MTUS1: variants seen among roughly 807,000 people sequenced by gnomAD.
MTUS1 encodes the protein microtubule-associated tumor suppressor 1.
In MTUS1, 109 loss-of-function variants were observed where a neutral mutation model predicts 120.8. The ratio of observed to expected loss-of-function variants is 0.90; its 90% CI spans 0.77 to 1.06. The LOEUF is 1.06. MTUS1 is among the 50% of genes least tolerant of loss of function. The probability of loss-of-function intolerance (pLI) is 0.00; values close to 1 mark genes in which losing one functional copy is unlikely to be tolerated. For synonymous variants in MTUS1, 737 were observed against 550.5 expected, an observed-to-expected ratio of 1.34 and a Z score of -4.74; for missense variants, 2,210 against 1,486.3, an observed-to-expected ratio of 1.49 and a Z score of -8.01.
At chr8:17,665,035 T>C (rs1011692525) in intron 8 of MTUS1, among the ~76,000 whole-genome samples, 2 of 152,188 alleles carry the variant, frequency 1.3e-5, no homozygotes, top group Admixed American at 1.3e-4. Flanking sequence ...CAGTATAGAT[T>C]GGTGATAGTA....
At chr8:17,792,933 GT>G (rs950334645) in intron 1 of MTUS1, among the ~76,000 whole-genome samples, 3 of 152,128 alleles carry the variant, frequency 2.0e-5, no homozygotes, top group Non-Finnish European at 4.4e-5. Context: ...ATTAAATCAA[GT>G]TCAATAACCA....
chr8:17,655,421 T>C (rs570705522), intron 9 of MTUS1, among the ~76,000 whole-genome samples: 1 of 152,330 alleles, frequency 6.6e-6, no homozygotes, highest in East Asian at 1.9e-4. Flanking sequence ...TTTTCTTCCC[T>C]TCTTTCACTT....
At chr8:17,762,706 G>A (rs1396911518) in intron 1 of MTUS1, among the ~76,000 whole-genome samples, 3 of 152,180 alleles carry the variant, frequency 2.0e-5, no homozygotes, top group Non-Finnish European at 2.9e-5. Context: ...TAGAAAACAA[G>A]TATAAATTTG....
At chr8:17,787,018 G>A (rs184049455) in intron 1 of MTUS1, among the ~76,000 whole-genome samples, 19 of 152,312 alleles carry the variant, frequency 1.2e-4, no homozygotes, top group Non-Finnish European at 1.2e-4. Context: ...TGTGGAGTGA[G>A]GCTGACCTCA....
intron 1 of MTUS1, among the ~76,000 whole-genome samples, chr8:17,756,340 G>C (rs1414614114): frequency 6.6e-6 from 1 of 152,076 alleles, no homozygotes; most frequent in Non-Finnish European, 1.5e-5. Flanking sequence ...GCTTATGACA[G>C]TCCCAAAGTA....
chr8:17,754,145 T>C lies in MTUS1; in HGVS notation c.1663A>G (p.Arg555Gly). 6.2e-7 allele frequency: 1 copy of C among 1,613,868 alleles called. No homozygotes were observed. The highest frequency in any genetic ancestry group is 8.5e-7 in the Non-Finnish European group (1 of 1,180,030). ...GCATTCAAGTCAGATCTCGGTGTTC[T>C]GCTCAAGACTGTTTGTTGTCTTGAA... ...VNSRQQTVLS[R>G]TPRSDLNADK... Residue 555 changes from arginine (R) to glycine (G), a missense_variant, in exon 2 of 15, where the codon AGA (arginine) becomes GGA (glycine). Arg to Gly is a moderately radical substitution (Grantham distance 125). Coordinates refer to ENST00000693296, the MANE Select transcript of MTUS1 (RefSeq NM_001363059.2).
At chr8:17,660,300 G>C (rs1169682246) in intron 8 of MTUS1, among the ~76,000 whole-genome samples, 1 of 152,156 alleles carries the variant, frequency 6.6e-6, no homozygotes, top group Non-Finnish European at 1.5e-5. Context: ...TTGAACCCAA[G>C]CAGTGCAGGT....
At chr8:17,709,715 T>C (rs1370413514) in intron 6 of MTUS1, among the ~76,000 whole-genome samples, 1 of 151,976 alleles carries the variant, frequency 6.6e-6, no homozygotes, top group Non-Finnish European at 1.5e-5. Context: ...TAAAAAAATA[T>C]ATACCTTAAT....
At chr8:17,794,171 T>A (rs2131596064) in intron 1 of MTUS1, among the ~76,000 whole-genome samples, 1 of 151,856 alleles carries the variant, frequency 6.6e-6, no homozygotes, top group East Asian at 1.9e-4. Flanking sequence ...CTACTAAAAA[T>A]AAAAAATGAA....
chr8:17,753,307 A>C (rs561823177), intron 2 of MTUS1, among the ~76,000 whole-genome samples: 1 of 152,324 alleles, frequency 6.6e-6, no homozygotes, highest in South Asian at 2.1e-4. Flanking sequence ...TTTTATGTTG[A>C]CATGTTTACC....
intron 1 of MTUS1, among the ~76,000 whole-genome samples, chr8:17,769,881 T>TAC (rs56287929): frequency 1.3e-4 from 13 of 99,536 alleles, no homozygotes; most frequent in African/African-American, 4.9e-4. Context: ...ACTCTTTGCT[T>TAC]ACACACACAC....
At chr8:17,775,402 G>C (rs1470733352) in intron 1 of MTUS1, among the ~76,000 whole-genome samples, 2 of 152,008 alleles carry the variant, frequency 1.3e-5, no homozygotes, top group Non-Finnish European at 2.9e-5. Context: ...TGAAACTTCA[G>C]GCTGCATCAT....
chr8:17,758,755 C>G (rs2048816862), intron 1 of MTUS1, among the ~76,000 whole-genome samples: 1 of 152,140 alleles, frequency 6.6e-6, no homozygotes, highest in Non-Finnish European at 1.5e-5. Context: ...TGGGAACTGT[C>G]TTTGTAAATA....
chr8:17,797,960 G>A (rs2052381095), intron 1 of MTUS1, among the ~76,000 whole-genome samples: 1 of 152,064 alleles, frequency 6.6e-6, no homozygotes, highest in Admixed American at 6.6e-5. Context: ...TTGCTGAGTA[G>A]CAGTATTGGA....
chr8:17,667,530 T>C (rs76635714), intron 8 of MTUS1, among the ~76,000 whole-genome samples: 4,184 of 152,336 alleles, frequency 0.027, 155 homozygotes, highest in South Asian at 0.15. Context: ...TTAGGCAATG[T>C]GTATACTGCT....
chr8:17,729,309 A>G (rs1034339607), intron 3 of MTUS1, among the ~76,000 whole-genome samples: 1 of 152,206 alleles, frequency 6.6e-6, no homozygotes, highest in Non-Finnish European at 1.5e-5. Flanking sequence ...ACTTCCAATT[A>G]AGCTTAAGGG....
At chr8:17,655,831 C>G in intron 9 of MTUS1, 32 bp downstream of exon 9, 2 of 1,604,208 alleles carry the variant, frequency 1.2e-6, no homozygotes, top group South Asian at 1.1e-5. Context: ...CAGCAGAGGC[C>G]TCAGACAAGC....
In MTUS1 at chr8:17,743,800, C is replaced by T. The variant is rs2047523308; in HGVS notation, c.2092-1G>A. On this transcript the variant is annotated splice_acceptor_variant, in intron 2 of 14. Coordinates refer to ENST00000693296, the MANE Select transcript of MTUS1 (RefSeq NM_001363059.2). LOFTEE classifies it high-confidence loss of function. ...TGGTCGTTGTTTTTGAAGCAGAGCC[C>T]TGTGAAAATAACAGTTAAGACTGTA... 5.0e-6 allele frequency: 8 copies of T among 1,613,042 alleles called. No homozygotes were observed. The highest frequency in any genetic ancestry group is 6.8e-6 in the Non-Finnish European group (8 of 1,179,632).
intron 1 of MTUS1, among the ~76,000 whole-genome samples, chr8:17,769,594 G>A (rs1003775555): frequency 1.2e-4 from 18 of 151,794 alleles, no homozygotes; most frequent in African/African-American, 4.1e-4. Context: ...TGATCCACCC[G>A]CCTCGGCCTC....
Sources: gnomAD v4.1 joint callset for allele counts (sites outside exome capture counted in the v4.1 genomes callset) on GRCh38, gnomAD v4.1.1 for gene constraint, MANE v1.5 for transcripts, NCBI Gene and HGNC (gene_info 2026-07-23, HGNC 2026-07-21) for gene names.